The following ABCC4 variants were observed in gnomAD, a reference collection of about 807,000 sequenced individuals.
The protein encoded by ABCC4 is ATP binding cassette subfamily C member 4 (PEL blood group), also known as ATP-binding cassette sub-family C member 4.
A neutral mutation model predicts 168.5 loss-of-function variants in ABCC4; 102 were observed. That is an observed-to-expected ratio of 0.61 (90% CI 0.52 to 0.71). ABCC4 has a LOEUF of 0.71. Ranked by LOEUF, ABCC4 falls within the 30% of genes least tolerant of loss-of-function variation. ABCC4 has a pLI of 0.00. For synonymous variants in ABCC4, 617 were observed against 590.7 expected (o/e 1.04, Z -0.65); for missense variants, 1,402 against 1,605.8 (o/e 0.87, Z 2.17).
intron 29 of ABCC4, among the ~76,000 whole-genome samples, chr13:95,035,889 T>C (rs1476031406): frequency 6.6e-6 from 1 of 152,196 alleles, no homozygotes; most frequent in African/African-American, 2.4e-5. Context: ...TTTCTACATG[T>C]AGATATTGCA....
At chr13:95,144,448 C>T (rs61965886) in intron 19 of ABCC4, among the ~76,000 whole-genome samples, 27 of 151,952 alleles carry the variant, frequency 1.8e-4, no homozygotes, top group African/African-American at 6.5e-4. Context: ...TAGGAAAAAG[C>T]AAGTCAAACT....
At chr13:95,076,507 GTTTTT>G (rs33911549) in intron 21 of ABCC4, among the ~76,000 whole-genome samples, 1 of 138,298 alleles carries the variant, frequency 7.2e-6, no homozygotes, top group Admixed American at 7.2e-5. Flanking sequence ...TGTGGTGTAG[GTTTTT>G]TTTTTTTTTT....
At chr13:95,046,766 T>TA (rs113569912) in intron 27 of ABCC4, among the ~76,000 whole-genome samples, 2,554 of 148,162 alleles carry the variant, frequency 0.017, 85 homozygotes, top group African/African-American at 0.06. Context: ...CTGTCTCAAT[T>TA]AAAAAAAAAA....
intron 21 of ABCC4, among the ~76,000 whole-genome samples, chr13:95,077,790 T>G (rs1365995000): frequency 1.3e-5 from 2 of 152,200 alleles, no homozygotes; most frequent in African/African-American, 4.8e-5. Context: ...TGCCGATCTG[T>G]GCTACAGCTG....
intron 27 of ABCC4, among the ~76,000 whole-genome samples, chr13:95,048,738 G>C (rs2032699709): frequency 6.6e-6 from 1 of 152,196 alleles, no homozygotes; most frequent in Non-Finnish European, 1.5e-5. Flanking sequence ...AACATGATTA[G>C]ATAATTTCTC....
chr13:95,298,405 A>T (rs1221979887), intron 1 of ABCC4, among the ~76,000 whole-genome samples: 1 of 152,192 alleles, frequency 6.6e-6, no homozygotes, highest in African/African-American at 2.4e-5. Context: ...AAGCGCCTCA[A>T]ATCAGGATCA....
chr13:95,272,046 A>AT (rs2040860750), intron 1 of ABCC4, among the ~76,000 whole-genome samples: 2 of 128,668 alleles, frequency 1.6e-5, no homozygotes, highest in African/African-American at 3.7e-5. Context: ...CTTTAAGCAC[A>AT]TATTTTTTTT....
chr13:95,083,691 T>A (rs2034172799), intron 20 of ABCC4, among the ~76,000 whole-genome samples: 1 of 151,928 alleles, frequency 6.6e-6, no homozygotes, highest in African/African-American at 2.4e-5. Context: ...CATGCCTAAT[T>A]TTTGTATTTT....
At chr13:95,241,476 T>C (rs1348408278) in intron 3 of ABCC4, among the ~76,000 whole-genome samples, 2 of 152,114 alleles carry the variant, frequency 1.3e-5, no homozygotes, top group Non-Finnish European at 2.9e-5. Flanking sequence ...AGAAGCTGCC[T>C]GTGTCCTGGT....
intron 4 of ABCC4, among the ~76,000 whole-genome samples, chr13:95,231,678 AT>A (rs1338650517): frequency 6.6e-6 from 1 of 152,224 alleles, no homozygotes; most frequent in Non-Finnish European, 1.5e-5. Context: ...CGTTTCTGGG[AT>A]TTCAGGTTAA....
At chr13:95,078,237 CA>C (rs1167893059) in intron 21 of ABCC4, among the ~76,000 whole-genome samples, 1 of 152,142 alleles carries the variant, frequency 6.6e-6, no homozygotes. Flanking sequence ...CTGGCATCCA[CA>C]ATGTCTCTAC....
intron 1 of ABCC4, among the ~76,000 whole-genome samples, chr13:95,254,743 C>T (rs1162828562): frequency 6.6e-6 from 1 of 152,200 alleles, no homozygotes; most frequent in South Asian, 2.1e-4. Context: ...TCACCCTCTG[C>T]CCCTGCCCAA....
Position 95,207,819 on chromosome 13 carries a change from G to A in ABCC4, c.892C>T (p.Leu298Phe). 6 of 1,612,198 alleles carry A rather than the reference G, an allele frequency of 3.7e-6. No homozygotes were observed. Among genetic ancestry groups the A allele is most frequent in the Non-Finnish European group, 5.1e-6 (6 of 1,179,240 alleles). Residue 298 changes from leucine (L) to phenylalanine (F), a missense_variant, in exon 7 of 31, where the codon CTT (leucine) becomes TTT (phenylalanine). Physicochemically the swap from Leu to Phe is conservative, Grantham distance 22. Coordinates refer to ENST00000645237, the MANE Select transcript of ABCC4 (RefSeq NM_005845.5). ...MYAWEKSFSN[L>F]ITNLRKKEIS... ...ACTTACTTTCTCAAATTGGTAATAA[G>A]ATTTGAAAATGACTTTTCCCAGGCG...
In ABCC4 at chr13:95,247,113, C is replaced by T. The variant is rs752443418; in HGVS notation, c.186-18G>A. The T allele has an allele frequency of 3.7e-6, 6 of 1,606,410 alleles. No individual in the cohort carries two copies. The South Asian group carries it at 6.7e-5, about 18-fold the overall frequency. ...CCCAGAACCTACAATGAGGAAAAAGCTTCGTAAATAAGAGTGAACCCTGCC... is the reference window on the plus strand; with the variant it reads ...CCCAGAACCTACAATGAGGAAAAAGTTTCGTAAATAAGAGTGAACCCTGCC... On this transcript the variant is annotated intron_variant, in intron 2 of 30. Coordinates refer to ENST00000645237, the MANE Select transcript of ABCC4 (RefSeq NM_005845.5).
chr13:95,276,124 A>C (rs2040964652), intron 1 of ABCC4, among the ~76,000 whole-genome samples: 1 of 152,164 alleles, frequency 6.6e-6, no homozygotes, highest in Non-Finnish European at 1.5e-5. Context: ...TTTTAAAACA[A>C]ATCTCAGGGC....
At chr13:95,171,604 T>C (rs1298646694) in intron 13 of ABCC4, among the ~76,000 whole-genome samples, 1 of 151,538 alleles carries the variant, frequency 6.6e-6, no homozygotes, top group Non-Finnish European at 1.5e-5. Context: ...AAGAAAAGCA[T>C]TAATCTGTAA....
chr13:95,027,815 T>C (rs1214650650), intron 30 of ABCC4, among the ~76,000 whole-genome samples: 2 of 152,158 alleles, frequency 1.3e-5, no homozygotes, highest in Non-Finnish European at 2.9e-5. Context: ...AAGCATAACA[T>C]GACAGAACTA....
At chr13:95,042,379 T>C (rs1180584839) in intron 29 of ABCC4, among the ~76,000 whole-genome samples, 1 of 152,212 alleles carries the variant, frequency 6.6e-6, no homozygotes, top group Non-Finnish European at 1.5e-5. Flanking sequence ...GCCGCCATTG[T>C]GCATGGTGTA....
At chr13:95,254,185 A>C (rs2040338281) in intron 1 of ABCC4, among the ~76,000 whole-genome samples, 1 of 152,250 alleles carries the variant, frequency 6.6e-6, no homozygotes, top group Non-Finnish European at 1.5e-5. Context: ...GGCATGAGCC[A>C]CTGCGCCTGG....
Sources: gnomAD v4.1 joint callset for allele counts (sites outside exome capture counted in the v4.1 genomes callset) on GRCh38, gnomAD v4.1.1 for gene constraint, MANE v1.5 for transcripts, NCBI Gene and HGNC (gene_info 2026-07-23, HGNC 2026-07-21) for gene names.